USP15: variants seen among roughly 807,000 people sequenced by gnomAD.
USP15 encodes ubiquitin carboxyl-terminal hydrolase 15.
In USP15, 18 loss-of-function variants were observed where a neutral mutation model predicts 127.1. The observed-to-expected ratio is 0.14, with a 90% confidence interval of 0.10 to 0.21. The LOEUF (loss-of-function observed/expected upper bound fraction) is 0.21. USP15 is among the 10% of genes least tolerant of loss of function. The pLI, the probability that USP15 is intolerant of heterozygous loss-of-function variation, is 1.00. For synonymous variants in USP15, 364 were observed against 393.7 expected, an observed-to-expected ratio of 0.92 and a Z score of 0.89; for missense variants, 805 against 1,159.9, an observed-to-expected ratio of 0.69 and a Z score of 4.44.
rs1325240372 is a variant in USP15 at position 62,405,829 on chromosome 12, ATTAT to A, written c.*1463_*1466del. The stretch of plus-strand genomic sequence containing the variant: ...ACTCTGTGAGTGCACATTTTGGTAA[ATTAT>A]TTATTTATGTTAGCATTTAAAAGTT... On this transcript the variant is annotated 3_prime_UTR_variant, in exon 22 of 22. Transcript: ENST00000280377. 5 of 152,604 alleles carry A rather than the reference ATTAT, an allele frequency of 3.3e-5. No individual in the cohort carries two copies. Among genetic ancestry groups the A allele is most frequent in the Admixed American group, 6.5e-5 (1 of 15,270 alleles). The allele number at this position is 152,604 out of a possible 1,614,324, so 9.5% of individuals were successfully genotyped here.
chr12:62,275,177 A>T lies in USP15; in HGVS notation c.89+14674A>T, dbSNP rs370750023. Among the ~76,000 whole-genome samples the T allele has an allele frequency of 2.6e-5, 4 of 152,086 alleles. No homozygotes were observed. In the East Asian group the frequency reaches 7.7e-4, roughly 29 times the overall value. On this transcript the variant is annotated intron_variant, in intron 1 of 21. Transcript: ENST00000280377. Reference sequence around the variant, plus strand: ...AATGGAGAGAGAGAGGATTGACTCAAGGTTGAGATGTCTGGAAAATCCAAG... The same window carrying T: ...AATGGAGAGAGAGAGGATTGACTCATGGTTGAGATGTCTGGAAAATCCAAG...
chr12:62,260,660 A>G (rs75864468), intron 1 of USP15, among the ~76,000 whole-genome samples, 157 bp downstream of exon 1: 3,340 of 152,120 alleles, frequency 0.022, 124 homozygotes, highest in African/African-American at 0.075. Flanking sequence ...ATGTTGGGGC[A>G]AAGGTTGGAC....
chr12:62,374,266 G>T (rs2066759199), intron 8 of USP15: 1 of 414,128 alleles, frequency 2.4e-6, no homozygotes, highest in Non-Finnish European at 3.2e-6. Context: ...TGGTCAGTTA[G>T]AAGGTATAGC....
chr12:62,349,356 T>C (rs1451414223), intron 7 of USP15, 49 bp downstream of exon 7: 11 of 1,266,558 alleles, frequency 8.7e-6, no homozygotes, highest in Non-Finnish European at 1.1e-5. Flanking sequence ...CACCCTATTA[T>C]GGTTGCAAAA....
intron 4 of USP15, among the ~76,000 whole-genome samples, chr12:62,316,890 T>C (rs1213991804): frequency 6.6e-6 from 1 of 152,166 alleles, no homozygotes; most frequent in East Asian, 1.9e-4. Context: ...GCATAGATTT[T>C]AATCAACATA....
At chr12:62,296,938 T>A (rs145907173) in intron 2 of USP15, among the ~76,000 whole-genome samples, 4 of 152,202 alleles carry the variant, frequency 2.6e-5, no homozygotes, top group Non-Finnish European at 4.4e-5. Flanking sequence ...TTACATAGAG[T>A]GCTGAAGGAA....
At position 62,328,540 on chromosome 12, in the gene USP15, A is replaced by G. The variant is rs116372870; in HGVS notation, c.683+2607A>G. ...TAAAAACGCATAAAACCTTCATGGGAAAAAAAAAATCTAAGTTTATTAGAA... is the reference window on the plus strand; with the variant it reads ...TAAAAACGCATAAAACCTTCATGGGGAAAAAAAAATCTAAGTTTATTAGAA... On this transcript the variant is annotated intron_variant, in intron 6 of 21. Transcript: ENST00000280377. 3.1e-3 allele frequency: 581 copies of G among 186,824 alleles called. 6 individuals carry two copies. The highest frequency in any genetic ancestry group is 0.013 in the African/African-American group (542 of 42,684). The allele number at this position is 186,824 out of a possible 1,614,324, so 11.6% of individuals were successfully genotyped here.
intron 9 of USP15, 84 bp from the exon 10 acceptor site, chr12:62,383,756 A>G (rs936525249): frequency 5.0e-6 from 7 of 1,387,900 alleles, no homozygotes; most frequent in Admixed American, 2.4e-5. Flanking sequence ...TGTGGAATCC[A>G]TGAATAATGA....
At chr12:62,346,200 C>T (rs1472738252) in intron 6 of USP15, among the ~76,000 whole-genome samples, 1 of 152,090 alleles carries the variant, frequency 6.6e-6, no homozygotes, top group Non-Finnish European at 1.5e-5. Flanking sequence ...TGCAAACTTC[C>T]CAGTTTGTCA....
rs918116549 is a variant in USP15 at position 62,260,459 on chromosome 12, C to T, written c.45C>T (p.Asp15=). ...CGGATCTGGACACCCAGCGGTCTGA[C>T]ATCGCGACGCTGCTCAAAACCTCGC... The part of the protein sequence containing the change: ...GAADLDTQRS[D]IATLLKTSLR... Residue 15 remains aspartate, a synonymous_variant, in exon 1 of 22, where the codon GAC becomes GAT. Coordinates refer to ENST00000280377, the MANE Select transcript of USP15 (RefSeq NM_001252078.2). 1.3e-5 allele frequency: 20 copies of T among 1,552,080 alleles called. No individual in the cohort carries two copies. In the Admixed American group the frequency reaches 2.5e-4, roughly 20 times the overall value.
intron 1 of USP15, among the ~76,000 whole-genome samples, chr12:62,265,343 T>C (rs796460981): frequency 9.2e-5 from 14 of 152,326 alleles, no homozygotes; most frequent in African/African-American, 3.4e-4. Context: ...ATGTGCCAGG[T>C]ACTGTTATAA....
intron 1 of USP15, among the ~76,000 whole-genome samples, chr12:62,268,328 G>C (rs1272249919): frequency 1.3e-5 from 2 of 152,068 alleles, no homozygotes; most frequent in African/African-American, 4.8e-5. Flanking sequence ...GTGTGATAGA[G>C]CCATACCCAG....
At chr12:62,311,086 AGTT>A (rs34673721) in intron 3 of USP15, among the ~76,000 whole-genome samples, 33,953 of 151,552 alleles carry the variant, frequency 0.22, 4,116 homozygotes, top group African/African-American at 0.33. Flanking sequence ...TTACCTGTTG[AGTT>A]GTTGAGTCCT....
rs1041479936 is a variant in USP15, at chr12:62,294,584, A to T, written c.217+278A>T. ...GATTTCTTCATTTAAAGATTTCATT[A>T]TTAAGTAATCATTATTTAATGATTA... On this transcript the variant is annotated intron_variant, in intron 2 of 21. Transcript: ENST00000280377. 2.4e-5 allele frequency: 5 copies of T among 212,676 alleles called. No homozygotes were observed. The Admixed American group carries it at 3.0e-4, about 13-fold the overall frequency. The allele number at this position is 212,676 out of a possible 1,614,324, so 13.2% of individuals were successfully genotyped here. A position where few individuals can be genotyped will look rare whatever the true frequency, so the allele number is the denominator to read the frequency against.
intron 1 of USP15, chr12:62,277,762 A>G (rs1296839656): frequency 1.3e-5 from 2 of 152,078 alleles, no homozygotes; most frequent in African/African-American, 4.8e-5. Flanking sequence ...ACGAATTTGT[A>G]TTGGGCTGCA....
At chr12:62,389,038 T>C (rs1216010591) in intron 11 of USP15, among the ~76,000 whole-genome samples, 3 of 151,590 alleles carry the variant, frequency 2.0e-5, no homozygotes, top group East Asian at 2.0e-4. Context: ...ATTCGGAAGA[T>C]GGCTTGAGCC....
chr12:62,351,335 T>C (rs926948697), intron 7 of USP15, among the ~76,000 whole-genome samples: 4 of 151,322 alleles, frequency 2.6e-5, no homozygotes, highest in African/African-American at 9.7e-5. Context: ...TGGTTTGTAT[T>C]ACATGAGAGC....
chr12:62,355,535 T>G, intron 8 of USP15, 60 bp downstream of exon 8: 2 of 1,496,336 alleles, frequency 1.3e-6, no homozygotes, highest in Non-Finnish European at 1.8e-6. Flanking sequence ...TACAAGAAGA[T>G]AAAGTTGGGT....
chr12:62,322,937 T>TA (rs1277362761), intron 5 of USP15, among the ~76,000 whole-genome samples: 5 of 152,198 alleles, frequency 3.3e-5, no homozygotes, highest in Non-Finnish European at 1.5e-5. Flanking sequence ...CCTGATGATG[T>TA]AAACGTCTTT....
Sources: gnomAD v4.1 joint callset for allele counts (sites outside exome capture counted in the v4.1 genomes callset) on GRCh38, gnomAD v4.1.1 for gene constraint, MANE v1.5 for transcripts, NCBI Gene and HGNC (gene_info 2026-07-23, HGNC 2026-07-21) for gene names.